The following AHCTF1 variants were observed in gnomAD, a reference collection of about 807,000 sequenced individuals.
AHCTF1 encodes AT-hook containing transcription factor 1.
A neutral mutation model predicts 248.4 loss-of-function variants in AHCTF1; 24 were observed. The observed-to-expected ratio is 0.10, with a 90% confidence interval of 0.07 to 0.14. The LOEUF (loss-of-function observed/expected upper bound fraction) is 0.14. AHCTF1 is among the 10% of genes least tolerant of loss of function. AHCTF1 has a pLI of 1.00. For synonymous variants in AHCTF1, 786 were observed against 929.8 expected, an observed-to-expected ratio of 0.85 and a Z score of 2.81; for missense variants, 2,206 against 2,636.2, an observed-to-expected ratio of 0.84 and a Z score of 3.57.
chr1:246,891,942 TAA>T (rs1250875607), intron 14 of AHCTF1, 23 bp from the exon 15 acceptor site: 1 of 1,569,462 alleles, frequency 6.4e-7, no homozygotes, highest in Non-Finnish European at 8.6e-7. Flanking sequence ...AAAGAAAAGA[TAA>T]GTTTCCATAC....
chr1:246,897,929 T>C lies in AHCTF1; in HGVS notation c.1623+279A>G, dbSNP rs932026635. 1.7e-4 allele frequency among the ~76,000 whole-genome samples: 14 copies of C among 80,798 alleles called. 1 individual carries two copies. The highest frequency in any genetic ancestry group is 0.014 in the Middle Eastern group (2 of 146). The allele number at this position is 80,798 out of a possible 152,430, so 53.0% of individuals were successfully genotyped here. On this transcript the variant is annotated intron_variant, in intron 12 of 35. Coordinates refer to ENST00000648844, the MANE Select transcript of AHCTF1 (RefSeq NM_001323342.2). The stretch of plus-strand genomic sequence containing the variant: ...AAGAGGTTGAGGCTACAGTGAGCCA[T>C]GACCATGCCACTGCATTCCAGCCTG...
intron 5 of AHCTF1, among the ~76,000 whole-genome samples, chr1:246,906,971 G>C (rs1428539500): frequency 6.6e-6 from 1 of 152,130 alleles, no homozygotes; most frequent in Non-Finnish European, 1.5e-5. Context: ...ACAGCCATGT[G>C]TCACTTAACA....
At position 246,867,761 on chromosome 1, in the gene AHCTF1, T is replaced by C. The variant is rs753816151; in HGVS notation, c.3139A>G (p.Thr1047Ala). 9 of 1,612,568 alleles carry C rather than the reference T, an allele frequency of 5.6e-6. No individual in the cohort carries two copies. In the Admixed American group the frequency reaches 1.0e-4, roughly 18 times the overall value. The change falls in exon 25 of 36, where the codon ACT becomes GCT. Residue 1047 changes from threonine (T) to alanine (A), a missense_variant. Transcript: ENST00000648844. ...SAVPKQVVTGTVLTRSVFINN... is the reference protein window; with the variant it reads ...SAVPKQVVTGAVLTRSVFINN... ...ATGAAAACAGATCTTGTCAACACAG[T>C]TCCTGTTACAACTTGCTTTGGAACT...
At chr1:246,849,536 C>A (rs1288562663) in intron 33 of AHCTF1, 79 bp downstream of exon 33, 18 of 1,504,132 alleles carry the variant, frequency 1.2e-5, no homozygotes, top group Non-Finnish European at 1.3e-5. Context: ...CCTATAAAAC[C>A]ATTTTTAGGA....
intron 14 of AHCTF1, 127 bp from the exon 15 acceptor site, chr1:246,892,046 G>A (rs1472599208): frequency 8.9e-7 from 1 of 1,122,562 alleles, no homozygotes; most frequent in Non-Finnish European, 1.2e-6. Flanking sequence ...GATTTATAAA[G>A]ACAAGCTAGA....
At chr1:246,873,670 C>A (rs1487656759) in intron 24 of AHCTF1, among the ~76,000 whole-genome samples, 30 of 152,180 alleles carry the variant, frequency 2.0e-4, no homozygotes, top group Admixed American at 2.0e-3. Flanking sequence ...TCTCTTGCAT[C>A]ACAGCAAAGG....
chr1:246,904,232 C>A (rs1374173161), intron 6 of AHCTF1, among the ~76,000 whole-genome samples, 199 bp from the exon 7 acceptor site: 2 of 152,102 alleles, frequency 1.3e-5, no homozygotes, highest in African/African-American at 2.4e-5. Flanking sequence ...TGATTCTAAT[C>A]AACTAAATCG....
chr1:246,855,656 G>C, intron 31 of AHCTF1, 74 bp downstream of exon 31: 2 of 1,177,722 alleles, frequency 1.7e-6, no homozygotes, highest in South Asian at 2.8e-5. Context: ...AGATTATTTT[G>C]TTCTAAGAAC....
intron 13 of AHCTF1, 63 bp from the exon 14 acceptor site, chr1:246,894,811 G>A (rs1399786326): frequency 1.4e-6 from 2 of 1,426,946 alleles, no homozygotes; most frequent in African/African-American, 2.8e-5. Flanking sequence ...GTTCTAAATT[G>A]TTGGTGGAGA....
intron 4 of AHCTF1, among the ~76,000 whole-genome samples, chr1:246,909,486 C>A (rs1056655661): frequency 2.0e-5 from 3 of 150,694 alleles, no homozygotes; most frequent in Non-Finnish European, 2.9e-5. Context: ...TAAATCATAC[C>A]TTTGTCCAGT....
intron 1 of AHCTF1, among the ~76,000 whole-genome samples, chr1:246,919,367 C>T (rs926717182): frequency 6.6e-6 from 1 of 152,170 alleles, no homozygotes; most frequent in African/African-American, 2.4e-5. Flanking sequence ...CTCAGAAAGA[C>T]AACATTTTCT....
chr1:246,920,515 T>C (rs1450670178), intron 1 of AHCTF1, among the ~76,000 whole-genome samples: 1 of 152,194 alleles, frequency 6.6e-6, no homozygotes, highest in East Asian at 1.9e-4. Context: ...CTCACGCCTG[T>C]AACCCCAGCA....
In AHCTF1 at chr1:246,861,241, G is replaced by A. The variant is rs1386413392; in HGVS notation, c.3790C>T (p.Pro1264Ser). 6.2e-7 allele frequency: 1 copy of A among 1,612,982 alleles called. No homozygotes were observed. Among genetic ancestry groups the A allele is most frequent in the Non-Finnish European group, 8.5e-7 (1 of 1,179,572 alleles). ...CTCTTCAGCCATTCAGTTTCCACTGGAACTGCACATTTTTTAGGTGTAGTA... is the reference window on the plus strand; with the variant it reads ...CTCTTCAGCCATTCAGTTTCCACTGAAACTGCACATTTTTTAGGTGTAGTA... The part of the protein sequence containing the change: ...VFTTPKKCAV[P>S]VETEWLKSKD... Residue 1264 changes from proline (P) to serine (S), a missense_variant, in exon 29 of 36, where the codon CCA (proline) becomes TCA (serine). Pro to Ser is a moderately conservative substitution (Grantham distance 74, BLOSUM62 -1). Around this residue, in one of 6 missense-constraint regions of AHCTF1, gnomAD observed 955 missense variants for 1,055.6 expected, o/e 0.90. Coordinates refer to ENST00000648844, the MANE Select transcript of AHCTF1 (RefSeq NM_001323342.2).
intron 13 of AHCTF1, among the ~76,000 whole-genome samples, chr1:246,895,151 C>T (rs756870671): frequency 4.6e-5 from 7 of 152,144 alleles, no homozygotes; most frequent in South Asian, 2.1e-4. Context: ...AAATACAAAG[C>T]ATGATTCTGA....
rs1487048421 is a variant in AHCTF1, at chr1:246,839,870, A to G, written c.*936T>C. On this transcript the variant is annotated 3_prime_UTR_variant, in exon 36 of 36. Transcript: ENST00000648844. Reference sequence around the variant, plus strand: ...GCGTGTGTTGTTTTTCTCCTTTTCTACATCTACTCACTCTCTCCCAACCTC... The same window carrying G: ...GCGTGTGTTGTTTTTCTCCTTTTCTGCATCTACTCACTCTCTCCCAACCTC... 5 of 152,578 alleles carry G rather than the reference A, an allele frequency of 3.3e-5. No homozygotes were observed. The highest frequency in any genetic ancestry group is 9.7e-5 in the African/African-American group (4 of 41,422). The allele number at this position is 152,578 out of a possible 1,614,324, so 9.5% of individuals were successfully genotyped here.
intron 12 of AHCTF1, among the ~76,000 whole-genome samples, chr1:246,897,589 CA>C (rs1664676107): frequency 6.6e-6 from 1 of 152,168 alleles, no homozygotes; most frequent in South Asian, 2.1e-4. Context: ...TCCTAAGCTA[CA>C]AACCTGTATA....
At chr1:246,915,223 AG>A (rs1228895996) in intron 3 of AHCTF1, among the ~76,000 whole-genome samples, 2 of 152,056 alleles carry the variant, frequency 1.3e-5, no homozygotes, top group African/African-American at 4.8e-5. Context: ...CCAGCTACTC[AG>A]GAGGCTAAGG....
chr1:246,881,375 A>G (rs887075449), intron 21 of AHCTF1, among the ~76,000 whole-genome samples: 4 of 152,220 alleles, frequency 2.6e-5, no homozygotes, highest in African/African-American at 9.6e-5. Flanking sequence ...AACTTACAAA[A>G]CAGACTAGGA....
intron 4 of AHCTF1, among the ~76,000 whole-genome samples, chr1:246,910,147 G>C (rs1166892406): frequency 2.6e-5 from 4 of 152,164 alleles, no homozygotes; most frequent in African/African-American, 9.7e-5. Flanking sequence ...AATTTAATTT[G>C]CAGAAAATCG....
Sources: allele counts gnomAD v4.1 joint callset (sites outside exome capture counted in the v4.1 genomes callset), GRCh38; gene constraint gnomAD v4.1.1; regional missense constraint gnomAD v4.1.1; transcripts MANE v1.5; gene names NCBI Gene and HGNC (gene_info 2026-07-23, HGNC 2026-07-21).